CABIN1: variants seen among roughly 807,000 people sequenced by gnomAD.
CABIN1 encodes calcineurin-binding protein cabin-1.
A neutral mutation model predicts 227.7 loss-of-function variants in CABIN1; 133 were observed. The ratio of observed to expected loss-of-function variants is 0.58; its 90% CI spans 0.51 to 0.67. The LOEUF is 0.67. Among genes scored for constraint, CABIN1 ranks in the 30% least tolerant of loss-of-function variants. The pLI is 0.00. For synonymous variants in CABIN1, 1,086 were observed against 1,155.1 expected, an observed-to-expected ratio of 0.94 and a Z score of 1.21; for missense variants, 2,408 against 2,852.5, an observed-to-expected ratio of 0.84 and a Z score of 3.55.
rs2043297773 is a variant in CABIN1 at position 24,119,829 on chromosome 22, G to C, written c.4632+131G>C. On this transcript the variant is annotated intron_variant, in intron 28 of 36. Coordinates refer to ENST00000263119, the MANE Select transcript of CABIN1 (RefSeq NM_012295.4). ...CACATGGGAGGGATGGGCGAGGAGA[G>C]CTGCAGGAGGCAGGGCCAGCCCCAG... is the stretch of plus-strand genomic sequence containing the variant. 4.2e-6 allele frequency: 4 copies of C among 949,538 alleles called. No homozygotes were observed. In the Admixed American group the frequency reaches 7.4e-5, roughly 18 times the overall value. 58.8% of individuals were successfully genotyped at this position (949,538 alleles called of 1,614,324 possible). A position where few individuals can be genotyped will look rare whatever the true frequency, so the allele number is the denominator to read the frequency against.
chr22:24,168,408 TG>T, intron 32 of CABIN1, 38 bp from the exon 33 acceptor site: 2 of 1,548,026 alleles, frequency 1.3e-6, no homozygotes, highest in Non-Finnish European at 1.7e-6. Flanking sequence ...CTAACCACAA[TG>T]GCCTGCGCCC....
chr22:24,011,916 A>G (rs2146320454), intron 1 of CABIN1, among the ~76,000 whole-genome samples: 1 of 152,332 alleles, frequency 6.6e-6, no homozygotes, highest in South Asian at 2.1e-4. Flanking sequence ...TTCCCAAGGT[A>G]TCTGCACAAG....
chr22:24,172,061 A>G, intron 34 of CABIN1, 66 bp downstream of exon 34: 1 of 1,548,498 alleles, frequency 6.5e-7, no homozygotes, highest in Non-Finnish European at 8.7e-7. Context: ...CCCTGCGGGG[A>G]GAGTGTGAGT....
chr22:24,022,684 C>T (rs1057375858), intron 1 of CABIN1, among the ~76,000 whole-genome samples: 14 of 152,150 alleles, frequency 9.2e-5, no homozygotes, highest in Non-Finnish European at 1.9e-4. Context: ...ATGGTTGAAC[C>T]ATTTTCCATT....
In CABIN1 at chr22:24,131,828, G is replaced by C. The variant is rs574637288; in HGVS notation, c.4633-2474G>C. The stretch of plus-strand genomic sequence containing the variant: ...CGCCTGTAATTCCAACACTTTGGGA[G>C]GCCAAGGCGGGCAGATCACTTGACG... On this transcript the variant is annotated intron_variant, in intron 28 of 36. Transcript: ENST00000263119. Among the ~76,000 whole-genome samples the C allele has an allele frequency of 2.6e-5, 4 of 152,326 alleles. No individual in the cohort carries two copies. In the South Asian group the frequency reaches 8.3e-4, roughly 32 times the overall value.
chr22:24,146,732 A>G (rs1187310104), intron 29 of CABIN1, among the ~76,000 whole-genome samples: 1 of 152,238 alleles, frequency 6.6e-6, no homozygotes, highest in African/African-American at 2.4e-5. Context: ...GGTATAAATT[A>G]TTTTCTGGCT....
chr22:24,165,653 C>T (rs751999341), intron 31 of CABIN1, 27 bp downstream of exon 31: 1 of 1,586,616 alleles, frequency 6.3e-7, no homozygotes, highest in East Asian at 2.2e-5. Flanking sequence ...CTCCTCTCCT[C>T]CACGGCCCAT....
chr22:24,042,822 G>GTGTGTC (rs2037493516), intron 5 of CABIN1, 82 bp from the exon 6 acceptor site: 6 of 352,530 alleles, frequency 1.7e-5, no homozygotes, highest in Admixed American at 1.5e-4. Flanking sequence ...ATCTGACTGT[G>GTGTGTC]TGTGTGTGTG....
chr22:24,113,110 G>T (rs2042896235), intron 26 of CABIN1, among the ~76,000 whole-genome samples: 1 of 152,194 alleles, frequency 6.6e-6, no homozygotes, highest in Admixed American at 6.5e-5. Flanking sequence ...AATGTTTCCT[G>T]AATTCTTTCC....
rs746425538 is a variant in CABIN1 at position 24,084,665 on chromosome 22, C to T, written c.2997C>T (p.Ser999=). 1.2e-6 allele frequency: 2 copies of T among 1,614,150 alleles called. No homozygotes were observed. The highest frequency in any genetic ancestry group is 2.2e-5 in the East Asian group (1 of 44,876). The change falls in exon 21 of 37, where the codon AGC becomes AGT. Residue 999 remains serine (S), a synonymous_variant. Coordinates refer to ENST00000263119, the MANE Select transcript of CABIN1 (RefSeq NM_012295.4). ...CTGAATTTGACAGCTATAAGACCAG[C>T]ACCGTGTCTGCTGACTTGGCCAACC... is the stretch of plus-strand genomic sequence containing the variant. ...TLPEFDSYKT[S]TVSADLANLL...
At chr22:24,170,973 A>C (rs2046777814) in intron 33 of CABIN1, among the ~76,000 whole-genome samples, 1 of 152,164 alleles carries the variant, frequency 6.6e-6, no homozygotes, top group African/African-American at 2.4e-5. Flanking sequence ...ACATGCTGTC[A>C]GGGCACTGGA....
intron 28 of CABIN1, among the ~76,000 whole-genome samples, chr22:24,121,899 T>A (rs1211276360): frequency 2.6e-5 from 4 of 152,238 alleles, no homozygotes; most frequent in Non-Finnish European, 4.4e-5. Context: ...GCTCAGACCC[T>A]TCCTCATCCT....
chr22:24,174,504 CT>C (rs2046998253), intron 34 of CABIN1, among the ~76,000 whole-genome samples: 1 of 152,186 alleles, frequency 6.6e-6, no homozygotes, highest in Non-Finnish European at 1.5e-5. Context: ...TGGTAGCTGA[CT>C]TACTCCCACG....
intron 4 of CABIN1, among the ~76,000 whole-genome samples, chr22:24,039,186 A>G (rs1488803740): frequency 6.6e-6 from 1 of 152,176 alleles, no homozygotes; most frequent in Non-Finnish European, 1.5e-5. Flanking sequence ...TTTCGCCCAA[A>G]CATGCAGATG....
chr22:24,132,381 C>T (rs1389713886), intron 28 of CABIN1, among the ~76,000 whole-genome samples: 1 of 152,144 alleles, frequency 6.6e-6, no homozygotes, highest in East Asian at 1.9e-4. Flanking sequence ...CTCAGTTTCT[C>T]TGCAGCTGAC....
At position 24,167,199 on chromosome 22, in the gene CABIN1, C is replaced by G; in HGVS notation, c.5568C>G (p.Gly1856=). The G allele has an allele frequency of 6.2e-7, 1 of 1,612,274 alleles. No individual in the cohort carries two copies. The highest frequency in any genetic ancestry group is 8.5e-7 in the Non-Finnish European group (1 of 1,179,848). The change falls in exon 32 of 37, where the codon GGC becomes GGG. Residue 1856 remains glycine, a synonymous_variant. Coordinates refer to ENST00000263119, the MANE Select transcript of CABIN1 (RefSeq NM_012295.4). The stretch of plus-strand genomic sequence containing the variant: ...AGCTCCTGGAGGACACAGAGTCAGG[C>G]AAGACACTTCTGTTGGATGCCTACC... ...KRKLLEDTES[G]KTLLLDAYRV...
chr22:24,064,755 A>G (rs981892852), intron 15 of CABIN1, among the ~76,000 whole-genome samples: 1 of 152,096 alleles, frequency 6.6e-6, no homozygotes, highest in African/African-American at 2.4e-5. Context: ...CTGTTTGACA[A>G]AGCACATCTT....
At chr22:24,049,713 C>T (rs1183953976) in intron 7 of CABIN1, among the ~76,000 whole-genome samples, 1 of 152,216 alleles carries the variant, frequency 6.6e-6, no homozygotes, top group African/African-American at 2.4e-5. Flanking sequence ...GCTTTTCCCT[C>T]CCAGGCTCCT....
chr22:24,146,973 G>A (rs536786190), intron 29 of CABIN1, among the ~76,000 whole-genome samples: 6 of 152,274 alleles, frequency 3.9e-5, no homozygotes, highest in Admixed American at 2.0e-4. Flanking sequence ...ATGTCCCTTG[G>A]GCCAGCCTCC....
Sources: allele counts gnomAD v4.1 joint callset (sites outside exome capture counted in the v4.1 genomes callset), GRCh38; gene constraint gnomAD v4.1.1; transcripts MANE v1.5; gene names NCBI Gene and HGNC (gene_info 2026-07-23, HGNC 2026-07-21).